TBC1D8: variants seen among roughly 807,000 people sequenced by gnomAD.
The protein encoded by TBC1D8 is TBC1 domain family member 8, also known as BUB2-like protein 1.
A neutral mutation model predicts 118.8 loss-of-function variants in TBC1D8; 65 were observed. The observed-to-expected ratio is 0.55, with a 90% confidence interval of 0.45 to 0.67. The LOEUF is 0.67. Among genes scored for constraint, TBC1D8 ranks in the 30% least tolerant of loss-of-function variants. The pLI, the probability that TBC1D8 is intolerant of heterozygous loss-of-function variation, is 0.00. For synonymous variants in TBC1D8, 566 were observed against 595.8 expected, an observed-to-expected ratio of 0.95 and a Z score of 0.73; for missense variants, 1,376 against 1,471.2, an observed-to-expected ratio of 0.94 and a Z score of 1.06.
chr2:101,095,820 G>T (rs536496793), intron 1 of TBC1D8, among the ~76,000 whole-genome samples: 1 of 152,086 alleles, frequency 6.6e-6, no homozygotes, highest in African/African-American at 2.4e-5. Flanking sequence ...TCTCTAGTCA[G>T]TAAGAAAGCT....
chr2:101,054,246 T>C lies in TBC1D8; in HGVS notation c.493A>G (p.Arg165Gly). Reference sequence around the variant, plus strand: ...TTCTCCGCCTCGGGGAAGTTGAACCTGGCCTCGAACTTCACCAGGGCTTCT... The same window carrying C: ...TTCTCCGCCTCGGGGAAGTTGAACCCGGCCTCGAACTTCACCAGGGCTTCT... ...FREALVKFEARFNFPEAEKLV... is the reference protein window; with the variant it reads ...FREALVKFEAGFNFPEAEKLV... Residue 165 changes from arginine (R) to glycine (G), a missense_variant, in exon 4 of 20, where the codon AGG becomes GGG. Arg to Gly is a moderately radical substitution (Grantham distance 125). Transcript: ENST00000409318. The C allele has an allele frequency of 6.2e-7, 1 of 1,605,652 alleles. No individual in the cohort carries two copies. The highest frequency in any genetic ancestry group is 1.1e-5 in the South Asian group (1 of 89,300).
intron 15 of TBC1D8, among the ~76,000 whole-genome samples, chr2:101,026,161 C>G (rs1037277308): frequency 3.3e-5 from 5 of 152,122 alleles, no homozygotes; most frequent in Non-Finnish European, 5.9e-5. Flanking sequence ...TGCGATAGTT[C>G]CTATTCTCTC....
Position 101,041,981 on chromosome 2 carries a change from C to A in TBC1D8, c.873-1596G>T, listed in dbSNP as rs149412909. On this transcript the variant is annotated intron_variant, in intron 5 of 19. Coordinates refer to ENST00000409318, the MANE Select transcript of TBC1D8 (RefSeq NM_001330348.2). ...TAGAGGTTGCAGTGAGTCGAGATCG[C>A]GCCACTGCACTCTAGCCTGGGCGAC... Among the ~76,000 whole-genome samples, 1,511 of 151,776 alleles carry A rather than the reference C, an allele frequency of 1.0e-2. 30 individuals are homozygous for A. Among genetic ancestry groups the A allele is most frequent in the African/African-American group, 0.034 (1,412 of 41,332 alleles).
chr2:101,016,305 CA>C (rs1679631858), intron 17 of TBC1D8, among the ~76,000 whole-genome samples: 1 of 151,898 alleles, frequency 6.6e-6, no homozygotes, highest in South Asian at 2.1e-4. Flanking sequence ...TTTATGCAGC[CA>C]AAAGACACAT....
At chr2:101,117,348 G>A (rs1677864394) in intron 1 of TBC1D8, among the ~76,000 whole-genome samples, 2 of 152,208 alleles carry the variant, frequency 1.3e-5, no homozygotes, top group South Asian at 4.1e-4. Flanking sequence ...CAAAGAGATG[G>A]CTCTCCAAAG....
At chr2:101,108,246 A>G (rs1677353096) in intron 1 of TBC1D8, among the ~76,000 whole-genome samples, 1 of 152,164 alleles carries the variant, frequency 6.6e-6, no homozygotes. Context: ...TATAAAATAC[A>G]GGACCAGCAT....
chr2:101,144,731 G>A (rs1679251880), intron 1 of TBC1D8, among the ~76,000 whole-genome samples: 2 of 152,220 alleles, frequency 1.3e-5, no homozygotes, highest in South Asian at 4.1e-4. Context: ...GAGCTCAGGA[G>A]TTCGAGACAA....
chr2:101,032,682 T>C, intron 10 of TBC1D8: 1 of 322,668 alleles, frequency 3.1e-6, no homozygotes, highest in Non-Finnish European at 5.8e-6. Flanking sequence ...TCGCTGTTTG[T>C]TCAAGCAGAC....
rs903090966 is a variant in TBC1D8, at chr2:101,075,167, C to T, written c.283+15042G>A. 4.6e-5 allele frequency among the ~76,000 whole-genome samples: 7 copies of T among 152,098 alleles called. No individual in the cohort carries two copies. In the East Asian group the frequency reaches 5.8e-4, roughly 13 times the overall value. On this transcript the variant is annotated intron_variant, in intron 2 of 19. Coordinates refer to ENST00000409318, the MANE Select transcript of TBC1D8 (RefSeq NM_001330348.2). ...ATCCCAGCACTTTGGGAGGCCAAGG[C>T]GGGCAGATCACCTGAGGTCAGGAGT... is the stretch of plus-strand genomic sequence containing the variant.
At chr2:101,017,915 C>G in intron 17 of TBC1D8, 1 of 1,550,806 alleles carries the variant, frequency 6.4e-7, no homozygotes, top group Non-Finnish European at 8.7e-7. Context: ...AGAAACCGAA[C>G]AAGAAGAGGA....
intron 8 of TBC1D8, 53 bp from the exon 9 acceptor site, chr2:101,036,221 C>T (rs561934495): frequency 3.8e-6 from 6 of 1,588,768 alleles, no homozygotes; most frequent in African/African-American, 1.3e-5. Flanking sequence ...CACCACCCCC[C>T]ACCCACCGAT....
At chr2:101,142,909 T>C (rs963588139) in intron 1 of TBC1D8, among the ~76,000 whole-genome samples, 1 of 152,108 alleles carries the variant, frequency 6.6e-6, no homozygotes, top group Non-Finnish European at 1.5e-5. Flanking sequence ...GGTAGATATA[T>C]AGTGTTTGCT....
At chr2:101,077,543 G>A (rs182332578) in intron 2 of TBC1D8, among the ~76,000 whole-genome samples, 42 of 152,218 alleles carry the variant, frequency 2.8e-4, no homozygotes, top group African/African-American at 7.5e-4. Flanking sequence ...CACCGTGCCC[G>A]GCCGGTGCTA....
intron 3 of TBC1D8, among the ~76,000 whole-genome samples, chr2:101,055,714 T>C (rs1377812917): frequency 6.6e-6 from 1 of 152,212 alleles, no homozygotes; most frequent in Non-Finnish European, 1.5e-5. Flanking sequence ...GAAATCTGAT[T>C]TCCCATCCCT....
chr2:101,045,564 T>A (rs1199622840), intron 5 of TBC1D8, among the ~76,000 whole-genome samples: 1 of 152,200 alleles, frequency 6.6e-6, no homozygotes, highest in Non-Finnish European at 1.5e-5. Flanking sequence ...GGACTTCCCA[T>A]GTGTGCACTA....
chr2:101,033,947 T>C (rs1401835999), intron 9 of TBC1D8, among the ~76,000 whole-genome samples, 189 bp from the exon 10 acceptor site: 1 of 152,106 alleles, frequency 6.6e-6, no homozygotes, highest in East Asian at 1.9e-4. Flanking sequence ...GTGGATCACT[T>C]GAGGTCAGGA....
At chr2:101,026,524 C>T (rs1318061308) in intron 15 of TBC1D8, among the ~76,000 whole-genome samples, 1 of 152,194 alleles carries the variant, frequency 6.6e-6, no homozygotes, top group Non-Finnish European at 1.5e-5. Flanking sequence ...TCCATGGCTT[C>T]CAAAGCCCTG....
intron 9 of TBC1D8, among the ~76,000 whole-genome samples, chr2:101,034,488 G>T (rs1267193548): frequency 6.6e-6 from 1 of 152,230 alleles, no homozygotes; most frequent in African/African-American, 2.4e-5. Flanking sequence ...ACAAACTGCA[G>T]CAGAAGTGCC....
chr2:101,097,618 C>A (rs554503520), intron 1 of TBC1D8, among the ~76,000 whole-genome samples: 2 of 151,992 alleles, frequency 1.3e-5, no homozygotes, highest in Non-Finnish European at 2.9e-5. Context: ...GTAATCCCAG[C>A]ACTTTGGGAA....
Sources: gnomAD v4.1 joint callset for allele counts (sites outside exome capture counted in the v4.1 genomes callset) on GRCh38, gnomAD v4.1.1 for gene constraint, MANE v1.5 for transcripts, NCBI Gene and HGNC (gene_info 2026-07-23, HGNC 2026-07-21) for gene names.